Variants in HSPB2 observed in about 807,000 individuals in gnomAD.
HSPB2 encodes heat shock protein family B (small) member 2.
HSPB2 carries 14 observed loss-of-function variants against 14.1 expected under a neutral mutation model. The ratio of observed to expected loss-of-function variants is 0.99; its 90% CI spans 0.66 to 1.55. The LOEUF (loss-of-function observed/expected upper bound fraction) is 1.55, where lower values mean the gene tolerates loss of function less well. Ranked by LOEUF, HSPB2 falls within the 40% of genes most tolerant of loss-of-function variation. The pLI is 0.00. For missense variants in HSPB2, 242 were observed against 241.7 expected (o/e 1.00, Z -0.01); for synonymous variants, 110 against 103.4 (o/e 1.06, Z -0.39).
chr11:111,913,216 CCCTCCTCCTCCTTCT>C lies in HSPB2; in HGVS notation c.95-212_95-198del, dbSNP rs1277468421. On this transcript the variant is annotated intron_variant, in intron 1 of 1. Coordinates refer to ENST00000304298, the MANE Select transcript of HSPB2 (RefSeq NM_001541.4). ...GCCGTTTGGTGCCTCCTCCTCCTCC[CCCTCCTCCTCCTTCT>C]CCTCCTCCTCCTCCCTTTCCTTTCC... The C allele has an allele frequency of 2.2e-5, 13 of 603,870 alleles. No homozygotes were observed. In the East Asian group the frequency reaches 2.8e-4, roughly 13 times the overall value. 37.4% of individuals were successfully genotyped at this position (603,870 alleles called of 1,614,324 possible).
chr11:111,914,011 A>C lies in HSPB2; in HGVS notation c.*116A>C. 1.1e-6 allele frequency: 1 copy of C among 922,856 alleles called. No homozygotes were observed. The highest frequency in any genetic ancestry group is 2.8e-5 in the Admixed American group (1 of 35,820). 57.2% of individuals were successfully genotyped at this position (922,856 alleles called of 1,614,324 possible). ...GGGGGAAGGGAAAGGTGCATGGTCC[A>C]CAATGTATGGTTTGGTCCCATGGGA... is the stretch of plus-strand genomic sequence containing the variant. On this transcript the variant is annotated 3_prime_UTR_variant, in exon 2 of 2. Transcript: ENST00000304298.
Position 111,912,840 on chromosome 11 carries a change from G to A in HSPB2, c.11G>A (p.Arg4His). ...GCTGCATCTGCAGCCATGTCGGGCC[G>A]CTCAGTGCCACATGCCCACCCGGCC... MSG[R>H]SVPHAHPATA... Residue 4 changes from arginine (R) to histidine (H), a missense_variant, in exon 1 of 2, where the codon CGC (arginine) becomes CAC (histidine). Arg to His is a conservative substitution (Grantham distance 29). Coordinates refer to ENST00000304298, the MANE Select transcript of HSPB2 (RefSeq NM_001541.4). 1.9e-6 allele frequency: 3 copies of A among 1,603,496 alleles called. No individual in the cohort carries two copies. The highest frequency in any genetic ancestry group is 2.5e-6 in the Non-Finnish European group (3 of 1,176,654).
Position 111,913,670 on chromosome 11 carries a change from C to G in HSPB2, c.324C>G (p.Asp108Glu). The change falls in exon 2 of 2, where the codon GAC becomes GAG. Residue 108 changes from aspartate to glutamate, a missense_variant. Transcript: ENST00000304298. ...EVSARHPQRLDRHGFVSREFC... is the reference protein window; with the variant it reads ...EVSARHPQRLERHGFVSREFC... ...CTGCCCGGCACCCCCAGCGCCTGGA[C>G]CGCCACGGCTTCGTGTCCCGAGAGT... 1 of 1,614,178 alleles carries G rather than the reference C, an allele frequency of 6.2e-7. No homozygotes were observed. The highest frequency in any genetic ancestry group is 8.5e-7 in the Non-Finnish European group (1 of 1,180,034).
At chr11:111,913,363 T>C (rs1555165837) in intron 1 of HSPB2, 78 bp from the exon 2 acceptor site, 5 of 1,124,052 alleles carry the variant, frequency 4.4e-6, no homozygotes, top group Non-Finnish European at 6.5e-6. Flanking sequence ...CAATCCCTCC[T>C]CTCCAGATTT....
chr11:111,913,822 AG>A lies in HSPB2; in HGVS notation c.478del (p.Val160SerfsTer20). ...CGACATTTGGACACAGAGGTCAATG[AG>A]GTCTACATCTCCCTGCTCCCTGCGC... ...GGRHLDTEVN[E>X]VYISLLPAPP... On this transcript the variant is annotated frameshift_variant, in exon 2 of 2. Transcript: ENST00000304298. LOFTEE classifies it high-confidence loss of function. 1 of 1,614,158 alleles carries A rather than the reference AG, an allele frequency of 6.2e-7. No homozygotes were observed. The highest frequency in any genetic ancestry group is 8.5e-7 in the Non-Finnish European group (1 of 1,180,032).
rs782583689 is a variant in HSPB2 at position 111,913,489 on chromosome 11, A to T, written c.143A>T (p.Tyr48Phe). The T allele has an allele frequency of 6.2e-7, 1 of 1,613,018 alleles. No individual in the cohort carries two copies. The highest frequency in any genetic ancestry group is 8.5e-7 in the Non-Finnish European group (1 of 1,179,942). The change falls in exon 2 of 2, where the codon TAT (tyrosine) becomes TTT (phenylalanine). Residue 48 changes from tyrosine to phenylalanine, a missense_variant. Tyr to Phe is a conservative substitution (Grantham distance 22). Coordinates refer to ENST00000304298, the MANE Select transcript of HSPB2 (RefSeq NM_001541.4). ...ILTPTLYHGY[Y>F]VRPRAAPAGE... ...ACCCCCACACTCTACCATGGCTACT[A>T]TGTCCGGCCTCGGGCCGCCCCAGCT...
In HSPB2 at chr11:111,913,471, C is replaced by CA. The variant is rs1965535954; in HGVS notation, c.126dup (p.Leu43ThrfsTer26). On this transcript the variant is annotated frameshift_variant, in exon 2 of 2. Transcript: ENST00000304298. LOFTEE classifies it high-confidence loss of function. ...CTGCCAGAAGAGATCCTGACCCCCA[C>CA]ACTCTACCATGGCTACTATGTCCGG... 1 of 1,611,678 alleles carries CA rather than the reference C, an allele frequency of 6.2e-7. No homozygotes were observed. Among genetic ancestry groups the CA allele is most frequent in the African/African-American group, 1.3e-5 (1 of 74,940 alleles).
Position 111,913,763 on chromosome 11 carries a change from T to C in HSPB2, c.417T>C (p.Asp139=). 3 of 1,614,174 alleles carry C rather than the reference T, an allele frequency of 1.9e-6. No individual in the cohort carries two copies. Among genetic ancestry groups the C allele is most frequent in the Non-Finnish European group, 2.5e-6 (3 of 1,180,044 alleles). ...GAGTCCGAGCTGCTCTCTCCCATGA[T>C]GGCATCTTAAACCTGGAAGCACCTC... is the stretch of plus-strand genomic sequence containing the variant. ...PWRVRAALSH[D]GILNLEAPRG... Residue 139 remains aspartate (D), a synonymous_variant, in exon 2 of 2, where the codon GAT becomes GAC. Coordinates refer to ENST00000304298, the MANE Select transcript of HSPB2 (RefSeq NM_001541.4).
At chr11:111,913,173 C>T (rs1452957003) in intron 1 of HSPB2, 17 of 603,100 alleles carry the variant, frequency 2.8e-5, no homozygotes, top group African/African-American at 2.4e-4. Context: ...CCTCCTTGTC[C>T]CCCTTCTATC....
At position 111,912,738 on chromosome 11, in the gene HSPB2, T is replaced by C; in HGVS notation, c.-92T>C. The C allele has an allele frequency of 8.7e-6, 4 of 458,090 alleles. No homozygotes were observed. Among genetic ancestry groups the C allele is most frequent in the South Asian group, 2.5e-5 (1 of 40,328 alleles). 28.4% of individuals were successfully genotyped at this position (458,090 alleles called of 1,614,324 possible). On this transcript the variant is annotated 5_prime_UTR_variant, in exon 1 of 2. Transcript: ENST00000304298. ...TGGTGTCGACCCCGCCCCCACCTCC[T>C]ATCGAGCCCTGGCTCTCCGGGCAGC... is the stretch of plus-strand genomic sequence containing the variant.
In HSPB2 at chr11:111,912,782, C is replaced by T. The variant is rs782753318; in HGVS notation, c.-48C>T. On this transcript the variant is annotated 5_prime_UTR_variant, in exon 1 of 2. Coordinates refer to ENST00000304298, the MANE Select transcript of HSPB2 (RefSeq NM_001541.4). ...GGGCAGCTGGAGGGGTCGCGCTGCGCCTGTTGGGGCTGCACCTCGGACCAG... is the reference window on the plus strand; with the variant it reads ...GGGCAGCTGGAGGGGTCGCGCTGCGTCTGTTGGGGCTGCACCTCGGACCAG... 1.6e-5 allele frequency: 23 copies of T among 1,472,314 alleles called. No individual in the cohort carries two copies. The highest frequency in any genetic ancestry group is 2.0e-5 in the Non-Finnish European group (22 of 1,074,060). The allele number at this position is 1,472,314 out of a possible 1,614,324, so 91.2% of individuals were successfully genotyped here.
Position 111,912,940 on chromosome 11 carries a change from AC to A in HSPB2, c.94+22del. ...TCGGAGAAGGTATGGCACAGACACC[AC>A]CCCCTTGCCCCCCACCCCCACCCCC... is the stretch of plus-strand genomic sequence containing the variant. On this transcript the variant is annotated intron_variant, in intron 1 of 1. Coordinates refer to ENST00000304298, the MANE Select transcript of HSPB2 (RefSeq NM_001541.4). 2.2e-6 allele frequency: 3 copies of A among 1,383,062 alleles called. No individual in the cohort carries two copies. Among genetic ancestry groups the A allele is most frequent in the Non-Finnish European group, 2.9e-6 (3 of 1,042,286 alleles). The allele number at this position is 1,383,062 out of a possible 1,614,324, so 85.7% of individuals were successfully genotyped here.
Position 111,913,769 on chromosome 11 carries a change from C to T in HSPB2, c.423C>T (p.Ile141=), listed in dbSNP as rs782763815. The stretch of plus-strand genomic sequence containing the variant: ...GAGCTGCTCTCTCCCATGATGGCAT[C>T]TTAAACCTGGAAGCACCTCGGGGTG... The part of the protein sequence containing the change: ...RVRAALSHDG[I]LNLEAPRGGR... Residue 141 remains isoleucine (I), a synonymous_variant, in exon 2 of 2, where the codon ATC becomes ATT. Transcript: ENST00000304298. 3 of 1,614,194 alleles carry T rather than the reference C, an allele frequency of 1.9e-6. No individual in the cohort carries two copies. The highest frequency in any genetic ancestry group is 2.5e-6 in the Non-Finnish European group (3 of 1,180,038).
At chr11:111,913,370 A>G (rs1965532533) in intron 1 of HSPB2, 71 bp from the exon 2 acceptor site, 1 of 1,206,994 alleles carries the variant, frequency 8.3e-7, no homozygotes, top group Non-Finnish European at 1.2e-6. Context: ...TCCTCTCCAG[A>G]TTTCCCATTT....
chr11:111,913,104 C>A, intron 1 of HSPB2, 181 bp downstream of exon 1: 1 of 632,456 alleles, frequency 1.6e-6, no homozygotes. Flanking sequence ...TTCCTGCTGA[C>A]CTCAAGACAC....
In HSPB2 at chr11:111,913,466, CCCCACA is replaced by C. The variant is rs782033193; in HGVS notation, c.122_127del (p.Pro41_Thr42del). 4 of 1,611,124 alleles carry C rather than the reference CCCCACA, an allele frequency of 2.5e-6. No homozygotes were observed. The South Asian group carries it at 4.4e-5, about 18-fold the overall frequency. ...GCCTCCTGCCAGAAGAGATCCTGACCCCCACACTCTACCATGGCTACTATGTCCGGC... is the reference window on the plus strand; with the variant it reads ...GCCTCCTGCCAGAAGAGATCCTGACCCTCTACCATGGCTACTATGTCCGGC... On this transcript the variant is annotated inframe_deletion, in exon 2 of 2. Transcript: ENST00000304298.
chr11:111,913,655 C>A lies in HSPB2; in HGVS notation c.309C>A (p.His103Gln). 1 of 1,614,162 alleles carries A rather than the reference C, an allele frequency of 6.2e-7. No individual in the cohort carries two copies. The highest frequency in any genetic ancestry group is 8.5e-7 in the Non-Finnish European group (1 of 1,180,036). ...VDNLLEVSAR[H>Q]PQRLDRHGFV... is the part of the protein sequence containing the mutation. ...ACCTGCTGGAGGTGTCTGCCCGGCA[C>A]CCCCAGCGCCTGGACCGCCACGGCT... Residue 103 changes from histidine (H) to glutamine (Q), a missense_variant, in exon 2 of 2, where the codon CAC (histidine) becomes CAA (glutamine). Transcript: ENST00000304298.
chr11:111,913,479 C>G lies in HSPB2; in HGVS notation c.133C>G (p.His45Asp). ...AGAGATCCTGACCCCCACACTCTAC[C>G]ATGGCTACTATGTCCGGCCTCGGGC... ...PEEILTPTLY[H>D]GYYVRPRAAP... is the part of the protein sequence containing the mutation. The change falls in exon 2 of 2, where the codon CAT (histidine) becomes GAT (aspartate). Residue 45 changes from histidine to aspartate, a missense_variant. Transcript: ENST00000304298. 6.2e-7 allele frequency: 1 copy of G among 1,612,622 alleles called. No homozygotes were observed.
Position 111,913,464 on chromosome 11 carries a change from A to AC in HSPB2, c.123dup (p.Thr42HisfsTer27), listed in dbSNP as rs1965535470. The AC allele has an allele frequency of 1.9e-6, 3 of 1,609,776 alleles. No individual in the cohort carries two copies. The highest frequency in any genetic ancestry group is 1.3e-5 in the African/African-American group (1 of 74,644). On this transcript the variant is annotated frameshift_variant, in exon 2 of 2. Transcript: ENST00000304298. LOFTEE classifies it high-confidence loss of function. ...AGGCCTCCTGCCAGAAGAGATCCTG[A>AC]CCCCCACACTCTACCATGGCTACTA...
Sources: gnomAD v4.1 joint callset for allele counts on GRCh38, gnomAD v4.1.1 for gene constraint, MANE v1.5 for transcripts, NCBI Gene and HGNC (gene_info 2026-07-23, HGNC 2026-07-21) for gene names.